PARG: variants seen among roughly 807,000 people sequenced by gnomAD.
The protein encoded by PARG is mitochondrial poly(ADP-ribose) glycohydrolase.
In PARG, 35 loss-of-function variants were observed where a neutral mutation model predicts 113.0. The ratio of observed to expected loss-of-function variants is 0.31; its 90% CI spans 0.24 to 0.41. The LOEUF (loss-of-function observed/expected upper bound fraction) is 0.41. Among genes scored for constraint, PARG ranks in the 10% least tolerant of loss-of-function variants. PARG has a pLI of 1.00. For synonymous variants in PARG, 330 were observed against 409.9 expected, an observed-to-expected ratio of 0.81 and a Z score of 2.36; for missense variants, 797 against 1,169.4, an observed-to-expected ratio of 0.68 and a Z score of 4.64.
rs1263202264 is a variant in PARG at position 49,895,708 on chromosome 10, G to C, written c.1738-10413C>G. Among the ~76,000 whole-genome samples the C allele has an allele frequency of 3.9e-5, 6 of 152,072 alleles. No homozygotes were observed. In the East Asian group the frequency reaches 1.2e-3, roughly 29 times the overall value. On this transcript the variant is annotated intron_variant, in intron 7 of 17. Coordinates refer to ENST00000616448, the MANE Select transcript of PARG (RefSeq NM_003631.5). ...AGTGTGAGCCACCGCGCCCGGCCGA[G>C]AACTGATATCTTAACCACACTGAGT...
At position 49,907,239 on chromosome 10, in the gene PARG, A is replaced by G. The variant is rs144472705; in HGVS notation, c.1737+8678T>C. ...AAGGCACTATGTCACTCAGCTTACT[A>G]AAAACTTCATTAACACACTATAAAG... On this transcript the variant is annotated intron_variant, in intron 7 of 17. Coordinates refer to ENST00000616448, the MANE Select transcript of PARG (RefSeq NM_003631.5). Among the ~76,000 whole-genome samples the G allele has an allele frequency of 2.2e-3, 334 of 152,352 alleles. 2 individuals carry two copies. Among genetic ancestry groups the G allele is most frequent in the African/African-American group, 7.8e-3 (323 of 41,588 alleles).
At chr10:49,941,001 A>G (rs1839019695) in intron 1 of PARG, among the ~76,000 whole-genome samples, 1 of 152,212 alleles carries the variant, frequency 6.6e-6, no homozygotes, top group South Asian at 2.1e-4. Context: ...TTATTATATT[A>G]ACTTTTGCTA....
intron 7 of PARG, among the ~76,000 whole-genome samples, chr10:49,895,506 C>T (rs1848038299): frequency 6.6e-6 from 1 of 151,928 alleles, no homozygotes; most frequent in African/African-American, 2.4e-5. Context: ...TGGGTTCAAG[C>T]AATTCTCCTG....
chr10:49,927,996 G>A (rs1838294979), intron 4 of PARG, among the ~76,000 whole-genome samples: 1 of 151,450 alleles, frequency 6.6e-6, no homozygotes, highest in Non-Finnish European at 1.5e-5. Context: ...AGAAGGCCAG[G>A]AACAGTGGCT....
Position 49,933,788 on chromosome 10 carries a change from C to T in PARG, c.660G>A (p.Lys220=). 1 of 1,613,628 alleles carries T rather than the reference C, an allele frequency of 6.2e-7. No homozygotes were observed. Among genetic ancestry groups the T allele is most frequent in the Middle Eastern group, 1.7e-4 (1 of 6,056 alleles). Residue 220 remains lysine, a synonymous_variant, in exon 3 of 18, where the codon AAG becomes AAA. Transcript: ENST00000616448. ...FLTTVKLANA[K]QTTEDEQARE... ...TGGCCTGTTCATCTTCTGTAGTCTGCTTTGCATTTGCAAGCTTTACAGTTG... is the reference window on the plus strand; with the variant it reads ...TGGCCTGTTCATCTTCTGTAGTCTGTTTTGCATTTGCAAGCTTTACAGTTG...
chr10:49,827,610 G>T (rs1844422098), intron 16 of PARG, among the ~76,000 whole-genome samples: 1 of 152,202 alleles, frequency 6.6e-6, no homozygotes, highest in Admixed American at 6.5e-5. Context: ...AACAAAATAA[G>T]GCAAGTTGGA....
At chr10:49,834,766 G>A (rs1344741002) in intron 15 of PARG, among the ~76,000 whole-genome samples, 1 of 152,066 alleles carries the variant, frequency 6.6e-6, no homozygotes, top group Non-Finnish European at 1.5e-5. Flanking sequence ...CTTGAGCCTG[G>A]GAGGTCTAGG....
At position 49,933,240 on chromosome 10, in the gene PARG, T is replaced by C. The variant is rs1838576773; in HGVS notation, c.1208A>G (p.His403Arg). The change falls in exon 3 of 18, where the codon CAT (histidine) becomes CGT (arginine). Residue 403 changes from histidine to arginine, a missense_variant. His to Arg is a conservative substitution (Grantham distance 29). Around this residue, in one of 5 missense-constraint regions of PARG, gnomAD observed 252 missense variants for 437.4 expected, o/e 0.58. Transcript: ENST00000616448. ...TGTGATTTTAGAATCCTTTTTTCCA[T>C]GTTGCTTAGAATTTCTGCATTCTAC... ...LNVECRNSKQ[H>R]GKKDSKITDH... The C allele has an allele frequency of 8.2e-6, 13 of 1,593,338 alleles. No homozygotes were observed. The highest frequency in any genetic ancestry group is 2.2e-5 in the East Asian group (1 of 44,644).
intron 13 of PARG, among the ~76,000 whole-genome samples, chr10:49,853,234 C>T (rs1465302558): frequency 2.0e-5 from 3 of 151,846 alleles, no homozygotes; most frequent in African/African-American, 7.3e-5. Context: ...GATGGGGTTT[C>T]ACCACGTTAG....
intron 16 of PARG, among the ~76,000 whole-genome samples, chr10:49,829,497 C>G (rs532426346): frequency 6.6e-6 from 1 of 151,866 alleles, no homozygotes; most frequent in South Asian, 2.1e-4. Context: ...TTTTTTGTTA[C>G]AAAAACAATA....
intron 16 of PARG, among the ~76,000 whole-genome samples, chr10:49,829,240 TAA>T (rs1168657604): frequency 6.9e-6 from 1 of 144,352 alleles, no homozygotes; most frequent in African/African-American, 2.5e-5. Context: ...CGTCTCAAAA[TAA>T]AAAAAAAAAA....
chr10:49,894,726 T>C (rs1448457699), intron 7 of PARG, among the ~76,000 whole-genome samples: 2 of 152,240 alleles, frequency 1.3e-5, no homozygotes, highest in African/African-American at 2.4e-5. Context: ...TTCGTTCCAC[T>C]GATCAATTTG....
intron 4 of PARG, among the ~76,000 whole-genome samples, chr10:49,930,035 G>A (rs1838409721): frequency 6.6e-6 from 1 of 151,816 alleles, no homozygotes. Context: ...CTATACAGTT[G>A]CAAATGGTAA....
intron 12 of PARG, among the ~76,000 whole-genome samples, chr10:49,859,502 T>G (rs1383078934): frequency 1.3e-5 from 2 of 151,518 alleles, no homozygotes; most frequent in Non-Finnish European, 2.9e-5. Flanking sequence ...GGTAAAGAAA[T>G]AAAATGGACT....
chr10:49,834,520 C>G (rs1016105015), intron 15 of PARG, among the ~76,000 whole-genome samples: 6 of 152,106 alleles, frequency 3.9e-5, no homozygotes, highest in Non-Finnish European at 5.9e-5. Context: ...AAAATATTAT[C>G]CAATTTTCCT....
chr10:49,902,833 A>C (rs1255667284), intron 7 of PARG, among the ~76,000 whole-genome samples: 1 of 152,008 alleles, frequency 6.6e-6, no homozygotes, highest in Admixed American at 6.6e-5. Flanking sequence ...TCTACAAAAA[A>C]AATTTTTTTT....
At chr10:49,926,538 G>T (rs868913681) in intron 4 of PARG, among the ~76,000 whole-genome samples, 1 of 152,096 alleles carries the variant, frequency 6.6e-6, no homozygotes, top group Non-Finnish European at 1.5e-5. Context: ...CATCACATAA[G>T]GGGGAACTGA....
At chr10:49,864,948 AAAG>A (rs1187263866) in intron 11 of PARG, among the ~76,000 whole-genome samples, 1 of 151,060 alleles carries the variant, frequency 6.6e-6, no homozygotes, top group East Asian at 1.9e-4. Context: ...TGTCCTCCAG[AAAG>A]AAAAGCCATA....
At chr10:49,833,069 G>C in intron 15 of PARG, 161 bp from the exon 16 acceptor site, 1 of 449,934 alleles carries the variant, frequency 2.2e-6, no homozygotes. Context: ...GAGGGAGAAA[G>C]GGAGAGAAAA....
Sources: allele counts gnomAD v4.1 joint callset (sites outside exome capture counted in the v4.1 genomes callset), GRCh38; gene constraint gnomAD v4.1.1; regional missense constraint gnomAD v4.1.1; transcripts MANE v1.5; gene names NCBI Gene and HGNC (gene_info 2026-07-23, HGNC 2026-07-21).